Variants in PRPF38B observed in about 807,000 individuals in gnomAD.
PRPF38B encodes pre-mRNA processing factor 38B.
Under a neutral mutation model 67.2 loss-of-function variants are expected in PRPF38B, and 18 were observed. The observed-to-expected ratio is 0.27, with a 90% CI of 0.19 to 0.40. The LOEUF is 0.40. PRPF38B is among the 10% of genes least tolerant of loss of function. PRPF38B has a pLI of 1.00. For missense variants in PRPF38B, 544 were observed against 684.9 expected (o/e 0.79, Z 2.30); for synonymous variants, 246 against 234.2 (o/e 1.05, Z -0.46).
Position 108,692,732 on chromosome 1 carries a change from C to A in PRPF38B, c.141C>A (p.Leu47=). The change falls in exon 1 of 6, where the codon CTC becomes CTA. Residue 47 remains leucine (L), a synonymous_variant. Transcript: ENST00000370025. ...TCTCCGGCAAGCAGGGCAATGTGCT[C>A]CCGCTCTGGGGCAACGAGAAGACCA... The part of the protein sequence containing the change: ...PAVSGKQGNV[L]PLWGNEKTMN... 1.2e-6 allele frequency: 2 copies of A among 1,613,908 alleles called. No individual in the cohort carries two copies. The highest frequency in any genetic ancestry group is 1.7e-6 in the Non-Finnish European group (2 of 1,180,034).
chr1:108,698,544 A>G, intron 4 of PRPF38B, 60 bp from the exon 5 acceptor site: 2 of 1,168,328 alleles, frequency 1.7e-6, no homozygotes, highest in Admixed American at 2.2e-5. Context: ...TTTTTATAAT[A>G]TTCATGTATA....
At position 108,692,652 on chromosome 1, in the gene PRPF38B, G is replaced by T; in HGVS notation, c.61G>T (p.Ala21Ser). The T allele has an allele frequency of 1.2e-6, 2 of 1,611,460 alleles. No individual in the cohort carries two copies. The highest frequency in any genetic ancestry group is 2.2e-5 in the East Asian group (1 of 44,794). The change falls in exon 1 of 6, where the codon GCT becomes TCT. Residue 21 changes from alanine (A) to serine (S), a missense_variant. By Grantham distance (99) the Ala-to-Ser change is moderately conservative. Transcript: ENST00000370025. ...GCAGCCGCAGCACCAGGCGGCTGCA[G>T]CTGCGGCTCAGCAACAGCAGCAGTG... Reference protein sequence around the residue: ...NSQPQHQAAAAAAQQQQQCGG... With the variant: ...NSQPQHQAAASAAQQQQQCGG...
chr1:108,697,030 C>T (rs1386037763), intron 4 of PRPF38B: 12 of 438,444 alleles, frequency 2.7e-5, no homozygotes, highest in Non-Finnish European at 4.5e-5. Context: ...CCCAACACTT[C>T]GAGAGTTCAA....
At chr1:108,693,168 CAG>C (rs1390189990) in intron 1 of PRPF38B, among the ~76,000 whole-genome samples, 1 of 152,232 alleles carries the variant, frequency 6.6e-6, no homozygotes. Flanking sequence ...GAAAGAGTAA[CAG>C]AAGCCTTTCC....
At position 108,692,881 on chromosome 1, in the gene PRPF38B, A is replaced by G. The variant is rs1482247323; in HGVS notation, c.276+14A>G. On this transcript the variant is annotated intron_variant, in intron 1 of 5. Coordinates refer to ENST00000370025, the MANE Select transcript of PRPF38B (RefSeq NM_018061.4). ...ATCTACTTTAAGGTACGAAGTGTGT[A>G]GGCCTTGGCTTTGGGGGTAAGTTCG... 2 of 1,601,758 alleles carry G rather than the reference A, an allele frequency of 1.2e-6. No homozygotes were observed. Among genetic ancestry groups the G allele is most frequent in the Admixed American group, 3.4e-5 (2 of 58,670 alleles).
Position 108,699,216 on chromosome 1 carries a change from A to C in PRPF38B, c.837A>C (p.Arg279Ser), listed in dbSNP as rs1660183905. ...GGTCCCCAAGAAGGTCAAGAAGTAG[A>C]AGTCATCATCGGGAGGGCCATGGGT... ...PRRSPRRSRS[R>S]SHHREGHGSS... Residue 279 changes from arginine to serine, a missense_variant, in exon 6 of 6, where the codon AGA becomes AGC. By Grantham distance (110) the Arg-to-Ser change is moderately radical. Around this residue, in one of 5 missense-constraint regions of PRPF38B, gnomAD observed 387 missense variants for 386.1 expected, o/e 1.00. Coordinates refer to ENST00000370025, the MANE Select transcript of PRPF38B (RefSeq NM_018061.4). 6.2e-7 allele frequency: 1 copy of C among 1,614,050 alleles called. No individual in the cohort carries two copies. Among genetic ancestry groups the C allele is most frequent in the Admixed American group, 1.7e-5 (1 of 59,986 alleles).
intron 4 of PRPF38B, 161 bp from the exon 5 acceptor site, chr1:108,698,443 A>G (rs1383723319): frequency 4.9e-6 from 3 of 612,600 alleles, no homozygotes; most frequent in African/African-American, 3.7e-5. Flanking sequence ...ACTAAGCCCA[A>G]ATATTTCTGT....
rs932577996 is a variant in PRPF38B at position 108,700,219 on chromosome 1, A to G, written c.*199A>G. 15 of 892,550 alleles carry G rather than the reference A, an allele frequency of 1.7e-5. No individual in the cohort carries two copies. The Admixed American group carries it at 3.2e-4, about 19-fold the overall frequency. The allele number at this position is 892,550 out of a possible 1,614,324, so 55.3% of individuals were successfully genotyped here. A position where few individuals can be genotyped will look rare whatever the true frequency, so the allele number is the denominator to read the frequency against. On this transcript the variant is annotated 3_prime_UTR_variant, in exon 6 of 6. Transcript: ENST00000370025. ...TGTTTTCACCCAATTGTTAAGTTTG[A>G]TACATGATGCACAGATTGTTCTTGC... is the stretch of plus-strand genomic sequence containing the variant.
chr1:108,697,538 C>CTTTTTTTTTTTTTTTTTTTTTT (rs34770110), intron 4 of PRPF38B: 3 of 146,070 alleles, frequency 2.1e-5, no homozygotes, highest in African/African-American at 7.8e-5. Context: ...TTATTTTTCT[C>CTTTTTTTTTTTTTTTTTTTTTT]TTTTTTTTTT....
Position 108,699,612 on chromosome 1 carries a change from G to A in PRPF38B, c.1233G>A (p.Arg411=). 6.4e-7 allele frequency: 1 copy of A among 1,554,028 alleles called. No individual in the cohort carries two copies. The highest frequency in any genetic ancestry group is 1.2e-5 in the South Asian group (1 of 84,396). ...KKHKEDKDDR[R]HRDDKRDSKK... ...ATAAAGAAGACAAAGATGATAGGCG[G>A]CACAGAGATGACAAAAGAGATTCCA... The change falls in exon 6 of 6, where the codon CGG becomes CGA. Residue 411 remains arginine (R), a synonymous_variant. Transcript: ENST00000370025.
At position 108,702,787 on chromosome 1, in the gene PRPF38B, A is replaced by T. The variant is rs1004555061; in HGVS notation, c.*2767A>T. On this transcript the variant is annotated 3_prime_UTR_variant, in exon 6 of 6. Transcript: ENST00000370025. Reference sequence around the variant, plus strand: ...TGTATCTGAACTTAAAGTATAATTTAAAAAAATTTTTAATACAGCTTAATA... The same window carrying T: ...TGTATCTGAACTTAAAGTATAATTTTAAAAAATTTTTAATACAGCTTAATA... Among the ~76,000 whole-genome samples the T allele has an allele frequency of 1.2e-4, 19 of 152,196 alleles. No homozygotes were observed. The highest frequency in any genetic ancestry group is 4.1e-4 in the African/African-American group (17 of 41,488).
At chr1:108,692,905 C>A in intron 1 of PRPF38B, 38 bp downstream of exon 1, 2 of 1,581,116 alleles carry the variant, frequency 1.3e-6, no homozygotes, top group South Asian at 1.1e-5. Context: ...GGGGTAAGTT[C>A]GGAAGAGGGG....
chr1:108,696,516 T>C (rs1659872339), intron 4 of PRPF38B, 179 bp downstream of exon 4: 1 of 628,124 alleles, frequency 1.6e-6, no homozygotes, highest in Non-Finnish European at 2.8e-6. Context: ...TATTTTAGGG[T>C]AAATTTCTGA....
intron 1 of PRPF38B, among the ~76,000 whole-genome samples, chr1:108,695,441 T>A (rs1659774873): frequency 6.6e-6 from 1 of 152,214 alleles, no homozygotes; most frequent in South Asian, 2.1e-4. Context: ...ATATCAGCTC[T>A]TTATAAAGCT....
intron 4 of PRPF38B, chr1:108,698,186 A>G (rs552374243): frequency 6.5e-6 from 1 of 154,120 alleles, no homozygotes; most frequent in East Asian, 1.9e-4. Context: ...AGAGCTGTTA[A>G]AAGATAACCT....
At chr1:108,698,376 G>C in intron 4 of PRPF38B, 1 of 446,580 alleles carries the variant, frequency 2.2e-6, no homozygotes, top group Non-Finnish European at 4.0e-6. Flanking sequence ...AACTGAGTGA[G>C]ATCAGTTCCC....
chr1:108,696,174 G>A lies in PRPF38B; in HGVS notation c.477G>A (p.Ala159=), dbSNP rs770782317. The A allele has an allele frequency of 2.2e-5, 35 of 1,613,606 alleles. No homozygotes were observed. The South Asian group carries it at 2.3e-4, about 11-fold the overall frequency. ...ITHTDSPYIR[A]LGFMYIRYTQ... ...ACACAGACTCTCCATATATTAGAGC[G>A]CTTGGATTTATGTATATAAGGTGAG... Residue 159 remains alanine, a synonymous_variant, in exon 3 of 6, where the codon GCG becomes GCA. Coordinates refer to ENST00000370025, the MANE Select transcript of PRPF38B (RefSeq NM_018061.4).
At chr1:108,694,950 A>G (rs935143080) in intron 1 of PRPF38B, among the ~76,000 whole-genome samples, 1 of 152,166 alleles carries the variant, frequency 6.6e-6, no homozygotes, top group African/African-American at 2.4e-5. Context: ...GCCAGTGACT[A>G]TTCACACTCA....
chr1:108,699,860 A>G lies in PRPF38B; in HGVS notation c.1481A>G (p.Lys494Arg), dbSNP rs1200858649. 6.2e-7 allele frequency: 1 copy of G among 1,614,060 alleles called. No homozygotes were observed. The change falls in exon 6 of 6, where the codon AAA (lysine) becomes AGA (arginine). Residue 494 changes from lysine to arginine, a missense_variant. By Grantham distance (26) the Lys-to-Arg change is conservative (BLOSUM62 2). Around this residue, in one of 5 missense-constraint regions of PRPF38B, gnomAD observed 387 missense variants for 386.1 expected, o/e 1.00. Transcript: ENST00000370025. ...AAAAAACGGGAACATAGTCCCAGCA[A>G]AGAAAAATCTAGAAAGCGTAGTAGA... is the stretch of plus-strand genomic sequence containing the variant. Reference protein sequence around the residue: ...KSKKREHSPSKEKSRKRSRSK... With the variant: ...KSKKREHSPSREKSRKRSRSK...
Sources: gnomAD v4.1 joint callset for allele counts (sites outside exome capture counted in the v4.1 genomes callset) on GRCh38, gnomAD v4.1.1 for gene constraint, gnomAD v4.1.1 regional missense constraint, MANE v1.5 for transcripts, NCBI Gene and HGNC (gene_info 2026-07-23, HGNC 2026-07-21) for gene names.